ATG5: variants seen among roughly 807,000 people sequenced by gnomAD.
ATG5 encodes autophagy protein 5.
Under a neutral mutation model 36.5 loss-of-function variants are expected in ATG5, and 14 were observed. That is an observed-to-expected ratio of 0.38 (90% confidence interval 0.25 to 0.60). The LOEUF is 0.60. Ranked by LOEUF, ATG5 falls within the 20% of genes least tolerant of loss-of-function variation. The pLI, the probability that ATG5 is intolerant of heterozygous loss-of-function variation, is 0.60. For synonymous variants in ATG5, 95 were observed against 101.5 expected, an observed-to-expected ratio of 0.94 and a Z score of 0.38; for missense variants, 195 against 326.7, an observed-to-expected ratio of 0.60 and a Z score of 3.11.
intron 6 of ATG5, among the ~76,000 whole-genome samples, chr6:106,242,045 T>C (rs77292041): frequency 0.025 from 3,745 of 152,094 alleles, 63 homozygotes; most frequent in African/African-American, 0.05. Context: ...AGCAGATGAA[T>C]GGAGAAGCAA....
chr6:106,319,475 G>C (rs2114686934), intron 1 of ATG5, among the ~76,000 whole-genome samples: 1 of 152,290 alleles, frequency 6.6e-6, no homozygotes, highest in East Asian at 1.9e-4. Context: ...CATTAACAAA[G>C]TATAATCTCC....
At chr6:106,213,998 A>T (rs1233007870) in intron 6 of ATG5, among the ~76,000 whole-genome samples, 1 of 152,164 alleles carries the variant, frequency 6.6e-6, no homozygotes, top group Non-Finnish European at 1.5e-5. Flanking sequence ...GTTTCCTTTG[A>T]AGTCTTGTTA....
Position 106,186,663 on chromosome 6 carries a change from CT to C in ATG5, c.704del (p.Lys235ArgfsTer4). 6.2e-7 allele frequency: 1 copy of C among 1,613,144 alleles called. No individual in the cohort carries two copies. Among genetic ancestry groups the C allele is most frequent in the Non-Finnish European group, 8.5e-7 (1 of 1,179,616 alleles). Reference sequence around the variant, plus strand: ...CAATTCCATGAATCATCACTTGATTCTTTTTTTCCCCATCTATTCCAAGAAA... The same window carrying C: ...CAATTCCATGAATCATCACTTGATTCTTTTTTCCCCATCTATTCCAAGAAA... ...SAIDPEDGEK[K>X]NQVMIHGIEP... On this transcript the variant is annotated frameshift_variant, in exon 8 of 8. Coordinates refer to ENST00000369076, the MANE Select transcript of ATG5 (RefSeq NM_004849.4). LOFTEE classifies it high-confidence loss of function.
chr6:106,257,696 A>G (rs531737610), intron 5 of ATG5, among the ~76,000 whole-genome samples: 1 of 152,314 alleles, frequency 6.6e-6, no homozygotes, highest in Admixed American at 6.5e-5. Context: ...TAGGCCTGGG[A>G]TATCACAGGA....
intron 5 of ATG5, among the ~76,000 whole-genome samples, chr6:106,276,395 C>T (rs908733546): frequency 6.8e-6 from 1 of 148,024 alleles, no homozygotes; most frequent in Admixed American, 7.0e-5. Flanking sequence ...ACCCGGGAAG[C>T]GGAGCTTGCA....
chr6:106,315,661 T>C (rs1214594678), intron 2 of ATG5, among the ~76,000 whole-genome samples: 2 of 152,174 alleles, frequency 1.3e-5, no homozygotes, highest in Admixed American at 6.5e-5. Context: ...AAAAACACTT[T>C]TAACAAACAG....
chr6:106,308,738 T>G (rs2114665661), intron 2 of ATG5, among the ~76,000 whole-genome samples: 1 of 152,306 alleles, frequency 6.6e-6, no homozygotes. Flanking sequence ...AACACAAATC[T>G]ATCTACAATC....
Position 106,251,515 on chromosome 6 carries a change from G to A in ATG5, c.479-3271C>T, listed in dbSNP as rs117309108. ...GCCCAAATACAACTATGTTTAAAAG[G>A]AAGACACGATAAAAAAAAAATCTGT... On this transcript the variant is annotated intron_variant, in intron 5 of 7. Transcript: ENST00000369076. 4.5e-3 allele frequency among the ~76,000 whole-genome samples: 669 copies of A among 147,746 alleles called. 1 individual carries two copies. The highest frequency in any genetic ancestry group is 7.4e-3 in the Non-Finnish European group (496 of 67,134).
intron 6 of ATG5, among the ~76,000 whole-genome samples, chr6:106,229,753 A>T (rs190140881): frequency 1.0e-3 from 152 of 152,356 alleles, no homozygotes; most frequent in Non-Finnish European, 2.1e-3. Flanking sequence ...CTTAACATCC[A>T]GTGACCTGCG....
intron 3 of ATG5, among the ~76,000 whole-genome samples, chr6:106,307,534 C>T (rs1009741870): frequency 7.2e-6 from 1 of 139,026 alleles, no homozygotes; most frequent in Non-Finnish European, 1.5e-5. Flanking sequence ...ATTTCAATAC[C>T]CTTTTTTTTT....
chr6:106,238,375 C>A (rs1777980472), intron 6 of ATG5, among the ~76,000 whole-genome samples: 1 of 152,154 alleles, frequency 6.6e-6, no homozygotes, highest in South Asian at 2.1e-4. Context: ...AGACAGCTTA[C>A]CCCAAATATT....
At chr6:106,244,368 G>A (rs1264828321) in intron 6 of ATG5, among the ~76,000 whole-genome samples, 1 of 152,146 alleles carries the variant, frequency 6.6e-6, no homozygotes, top group Non-Finnish European at 1.5e-5. Flanking sequence ...ACAGGATACA[G>A]AGAAAACTCG....
At chr6:106,187,712 C>G (rs1449654746) in intron 7 of ATG5, among the ~76,000 whole-genome samples, 1 of 152,110 alleles carries the variant, frequency 6.6e-6, no homozygotes, top group Non-Finnish European at 1.5e-5. Context: ...ACTTTTGAAT[C>G]TGTAAGTGCT....
chr6:106,293,060 C>G lies in ATG5; in HGVS notation c.283G>C (p.Ala95Pro), dbSNP rs576645243. The part of the protein sequence containing the change: ...LLFDLLASSS[A>P]LPWNITVHFK... ...TGTACTGTGATGTTCCAAGGAAGAGCTGAACTTGATGCAAGAAGATCAAAT... is the reference window on the plus strand; with the variant it reads ...TGTACTGTGATGTTCCAAGGAAGAGGTGAACTTGATGCAAGAAGATCAAAT... Residue 95 changes from alanine to proline, a missense_variant, in exon 4 of 8, where the codon GCT (alanine) becomes CCT (proline). Ala to Pro is a conservative substitution (Grantham distance 27). Transcript: ENST00000369076. 11 of 1,613,540 alleles carry G rather than the reference C, an allele frequency of 6.8e-6. No individual in the cohort carries two copies. The highest frequency in any genetic ancestry group is 4.0e-5 in the African/African-American group (3 of 75,034).
chr6:106,292,941 ATAACT>A, intron 4 of ATG5, 82 bp downstream of exon 4: 2 of 1,062,456 alleles, frequency 1.9e-6, no homozygotes, highest in South Asian at 2.9e-5. Context: ...AAAGCAATAA[ATAACT>A]TCACTTAAAA....
At chr6:106,188,386 A>G (rs542619054) in intron 7 of ATG5, among the ~76,000 whole-genome samples, 1 of 152,322 alleles carries the variant, frequency 6.6e-6, no homozygotes, top group South Asian at 2.1e-4. Flanking sequence ...CAAAAAATGA[A>G]AGAATAGTGG....
At chr6:106,213,855 T>G (rs946039280) in intron 6 of ATG5, among the ~76,000 whole-genome samples, 4 of 152,176 alleles carry the variant, frequency 2.6e-5, no homozygotes, top group Admixed American at 6.5e-5. Flanking sequence ...ATGTAACAAG[T>G]GCTTAACAAT....
intron 4 of ATG5, among the ~76,000 whole-genome samples, chr6:106,290,253 T>C (rs1241872020): frequency 6.8e-6 from 1 of 147,094 alleles, no homozygotes; most frequent in Non-Finnish European, 1.5e-5. Context: ...TATTTTATTT[T>C]ATTTTATTTA....
At chr6:106,220,030 T>G (rs554961138) in intron 6 of ATG5, among the ~76,000 whole-genome samples, 3 of 152,096 alleles carry the variant, frequency 2.0e-5, no homozygotes, top group African/African-American at 7.2e-5. Context: ...AGCCTTTTTT[T>G]AAAAAGCTAA....
Sources: allele counts gnomAD v4.1 joint callset (sites outside exome capture counted in the v4.1 genomes callset), GRCh38; gene constraint gnomAD v4.1.1; transcripts MANE v1.5; gene names NCBI Gene and HGNC (gene_info 2026-07-23, HGNC 2026-07-21).